The following NR3C2 variants were observed in gnomAD, a reference collection of about 807,000 sequenced individuals.
NR3C2 encodes nuclear receptor subfamily 3 group C member 2.
Under a neutral mutation model 86.4 loss-of-function variants are expected in NR3C2, and 15 were observed. The ratio of observed to expected loss-of-function variants is 0.17; its 90% CI spans 0.12 to 0.27. NR3C2 has a LOEUF of 0.27. NR3C2 is among the 10% of genes least tolerant of loss of function. NR3C2 has a pLI of 1.00. For synonymous variants in NR3C2, 458 were observed against 450.5 expected (o/e 1.02, Z -0.21); for missense variants, 960 against 1,195.6 (o/e 0.80, Z 2.91).
chr4:148,355,190 T>C (rs540587149), intron 2 of NR3C2, among the ~76,000 whole-genome samples: 17 of 152,304 alleles, frequency 1.1e-4, no homozygotes, highest in Middle Eastern at 3.4e-3. Flanking sequence ...TATCTACTTA[T>C]ACATCAGGCT....
intron 2 of NR3C2, among the ~76,000 whole-genome samples, chr4:148,410,322 G>A (rs1748632908): frequency 6.6e-6 from 1 of 152,144 alleles, no homozygotes; most frequent in African/African-American, 2.4e-5. Context: ...CAGTACTTAA[G>A]TTATCTAATA....
intron 2 of NR3C2, among the ~76,000 whole-genome samples, chr4:148,317,161 T>C (rs1418462275): frequency 3.3e-5 from 5 of 152,196 alleles, no homozygotes; most frequent in South Asian, 4.2e-4. Flanking sequence ...CTTAAGACAC[T>C]AGAAGTTCAA....
chr4:148,199,329 G>A (rs1736599939), intron 3 of NR3C2, among the ~76,000 whole-genome samples: 1 of 152,034 alleles, frequency 6.6e-6, no homozygotes, highest in South Asian at 2.1e-4. Flanking sequence ...TATCTTCAGG[G>A]TAAACACAGG....
intron 2 of NR3C2, among the ~76,000 whole-genome samples, chr4:148,295,649 T>G (rs111993364): frequency 5.6e-4 from 85 of 151,450 alleles, no homozygotes; most frequent in Admixed American, 1.4e-3. Flanking sequence ...GAGCTCATGC[T>G]TTCTCATACT....
intron 2 of NR3C2, among the ~76,000 whole-genome samples, chr4:148,308,145 C>T (rs1742727520): frequency 6.6e-6 from 1 of 152,232 alleles, no homozygotes; most frequent in Middle Eastern, 3.4e-3. Flanking sequence ...ATGTGAAGTT[C>T]CAAGTCTGGG....
At chr4:148,179,003 T>C (rs925053599) in intron 4 of NR3C2, among the ~76,000 whole-genome samples, 5 of 151,092 alleles carry the variant, frequency 3.3e-5, no homozygotes, top group East Asian at 1.9e-4. Flanking sequence ...GAAAGCCTCT[T>C]ATATCCTGAG....
intron 2 of NR3C2, among the ~76,000 whole-genome samples, chr4:148,336,293 G>A (rs1475383079): frequency 3.3e-5 from 5 of 152,142 alleles, no homozygotes; most frequent in Admixed American, 1.3e-4. Context: ...AGGAAAAAGG[G>A]CTACATGCTA....
chr4:148,200,512 G>C (rs1736667884), intron 3 of NR3C2, among the ~76,000 whole-genome samples: 1 of 152,170 alleles, frequency 6.6e-6, no homozygotes, highest in Non-Finnish European at 1.5e-5. Flanking sequence ...CCTTCGAAGT[G>C]TCTTCTGTGT....
chr4:148,099,925 CA>C (rs1370164607), intron 8 of NR3C2, among the ~76,000 whole-genome samples: 5 of 152,172 alleles, frequency 3.3e-5, no homozygotes, highest in African/African-American at 9.7e-5. Flanking sequence ...CACCCTGTGG[CA>C]GCACAAATCT....
intron 3 of NR3C2, among the ~76,000 whole-genome samples, chr4:148,210,143 G>A (rs1467249025): frequency 6.6e-6 from 1 of 152,078 alleles, no homozygotes; most frequent in Non-Finnish European, 1.5e-5. Context: ...GGCAGAAAGA[G>A]GCCGGTTTTG....
intron 2 of NR3C2, among the ~76,000 whole-genome samples, chr4:148,402,103 G>A (rs1748198248): frequency 6.6e-6 from 1 of 152,136 alleles, no homozygotes; most frequent in Admixed American, 6.5e-5. Context: ...TGGGGCTCTG[G>A]TGTCAGGCCA....
chr4:148,364,335 A>T (rs2126329030), intron 2 of NR3C2, among the ~76,000 whole-genome samples: 1 of 152,310 alleles, frequency 6.6e-6, no homozygotes, highest in South Asian at 2.1e-4. Context: ...GGAGCACTGA[A>T]GTCGTCAGTT....
intron 2 of NR3C2, among the ~76,000 whole-genome samples, chr4:148,415,685 C>T (rs1748958771): frequency 6.6e-6 from 1 of 152,148 alleles, no homozygotes; most frequent in South Asian, 2.1e-4. Context: ...GAACAAAATG[C>T]TCATCAGCCC....
chr4:148,253,097 A>C (rs958102216), intron 3 of NR3C2, among the ~76,000 whole-genome samples: 3 of 152,220 alleles, frequency 2.0e-5, no homozygotes, highest in African/African-American at 7.2e-5. Context: ...TTACTTCAAC[A>C]TATTTTCCAC....
At chr4:148,317,769 G>A (rs1173743007) in intron 2 of NR3C2, among the ~76,000 whole-genome samples, 1 of 76,136 alleles carries the variant, frequency 1.3e-5, no homozygotes, top group Non-Finnish European at 2.4e-5. Context: ...TGCAGAAAAA[G>A]CTTTTTTTTA....
chr4:148,194,992 T>A, intron 3 of NR3C2, 130 bp from the exon 4 acceptor site: 1 of 722,736 alleles, frequency 1.4e-6, no homozygotes. Context: ...TAAAAGTACA[T>A]GATTTGTGGA....
At chr4:148,403,380 C>T (rs1466352482) in intron 2 of NR3C2, among the ~76,000 whole-genome samples, 1 of 151,950 alleles carries the variant, frequency 6.6e-6, no homozygotes, top group Non-Finnish European at 1.5e-5. Context: ...AGACTAAATC[C>T]CTCATGGCTT....
At chr4:148,346,649 A>T (rs1364016906) in intron 2 of NR3C2, among the ~76,000 whole-genome samples, 2 of 152,156 alleles carry the variant, frequency 1.3e-5, no homozygotes, top group East Asian at 3.9e-4. Context: ...TACTATAAAT[A>T]AGATACATGC....
intron 2 of NR3C2, among the ~76,000 whole-genome samples, chr4:148,361,767 T>C (rs1745848741): frequency 6.6e-6 from 1 of 152,328 alleles, no homozygotes; most frequent in South Asian, 2.1e-4. Context: ...TACTGAGGTA[T>C]AGGTAACCAT....
Sources: gnomAD v4.1 joint callset for allele counts (sites outside exome capture counted in the v4.1 genomes callset) on GRCh38, gnomAD v4.1.1 for gene constraint, MANE v1.5 for transcripts, NCBI Gene and HGNC (gene_info 2026-07-23, HGNC 2026-07-21) for gene names.